PACRG: variants seen among roughly 807,000 people sequenced by gnomAD.
PACRG encodes parkin coregulated.
Under a neutral mutation model 29.7 loss-of-function variants are expected in PACRG, and 29 were observed. That is an observed-to-expected ratio of 0.98 (90% confidence interval 0.73 to 1.33). The LOEUF (loss-of-function observed/expected upper bound fraction) is 1.33. Among genes scored for constraint, PACRG ranks in the 40% most tolerant of loss-of-function variants. The pLI, the probability that PACRG is intolerant of heterozygous loss-of-function variation, is 0.00. For synonymous variants in PACRG, 116 were observed against 118.7 expected (o/e 0.98, Z 0.15); for missense variants, 279 against 316.2 (o/e 0.88, Z 0.89).
intron 1 of PACRG, among the ~76,000 whole-genome samples, chr6:162,791,015 A>G (rs913168819): frequency 2.0e-5 from 3 of 152,206 alleles, no homozygotes; most frequent in Non-Finnish European, 4.4e-5. Context: ...ATTTTTTATT[A>G]TTGTAAATGA....
intron 4 of PACRG, among the ~76,000 whole-genome samples, chr6:163,200,811 G>A (rs73784528): frequency 0.014 from 2,141 of 152,318 alleles, 46 homozygotes; most frequent in African/African-American, 0.049. Flanking sequence ...AGTTTCCCAG[G>A]ACACAGAACA....
intron 2 of PACRG, among the ~76,000 whole-genome samples, chr6:162,865,068 G>A (rs893775099): frequency 2.6e-5 from 4 of 152,100 alleles, no homozygotes; most frequent in African/African-American, 7.2e-5. Context: ...AATGTTAACC[G>A]AACATTTGTG....
chr6:163,181,037 A>C (rs1159217877), intron 4 of PACRG, among the ~76,000 whole-genome samples: 1 of 152,168 alleles, frequency 6.6e-6, no homozygotes, highest in South Asian at 2.1e-4. Flanking sequence ...GAGTGTCTCT[A>C]ACTCTTCAGG....
At chr6:163,208,266 A>ATTTTC (rs5881513) in intron 4 of PACRG, among the ~76,000 whole-genome samples, 64,398 of 151,188 alleles carry the variant, frequency 0.43, 15,009 homozygotes, top group African/African-American at 0.63. Context: ...TATATTGGAG[A>ATTTTC]TTTTCTTTTC....
At chr6:162,731,843 A>G (rs946187013) in intron 1 of PACRG, among the ~76,000 whole-genome samples, 2 of 152,168 alleles carry the variant, frequency 1.3e-5, no homozygotes, top group African/African-American at 2.4e-5. Context: ...CCAAATAACA[A>G]TAGCTTAATT....
intron 2 of PACRG, among the ~76,000 whole-genome samples, chr6:162,877,257 A>T (rs1438213523): frequency 6.6e-6 from 1 of 152,148 alleles, no homozygotes; most frequent in African/African-American, 2.4e-5. Flanking sequence ...ATGCAGCCAT[A>T]AAAAAGAATG....
At chr6:162,861,923 G>A (rs76043219) in intron 2 of PACRG, among the ~76,000 whole-genome samples, 2,820 of 152,148 alleles carry the variant, frequency 0.019, 75 homozygotes, top group African/African-American at 0.063. Context: ...TATCTGCTAC[G>A]GTCTGGGTAT....
At chr6:162,940,268 A>C (rs757330429) in intron 2 of PACRG, among the ~76,000 whole-genome samples, 22 of 152,052 alleles carry the variant, frequency 1.4e-4, no homozygotes, top group Non-Finnish European at 2.6e-4. Context: ...ACTGCCCTAC[A>C]CTCTGTTCTA....
intron 4 of PACRG, among the ~76,000 whole-genome samples, chr6:163,235,157 C>T (rs562784243): frequency 2.8e-4 from 43 of 152,208 alleles, no homozygotes; most frequent in Non-Finnish European, 4.6e-4. Context: ...CATCGTAAGC[C>T]GGCTGAATGG....
intron 2 of PACRG, among the ~76,000 whole-genome samples, chr6:163,034,800 G>A (rs1052689186): frequency 3.3e-5 from 5 of 152,198 alleles, no homozygotes; most frequent in African/African-American, 1.2e-4. Flanking sequence ...CAGACCCCAA[G>A]AGAGGGTTCT....
intron 2 of PACRG, among the ~76,000 whole-genome samples, chr6:163,054,443 A>G (rs532188202): frequency 9.2e-5 from 14 of 152,252 alleles, no homozygotes; most frequent in Non-Finnish European, 2.1e-4. Flanking sequence ...CTGTGGGAAA[A>G]TACATGTGTG....
rs149058946 is a variant in PACRG, at chr6:163,130,969, C to T, written c.613+41561C>T. On this transcript the variant is annotated intron_variant, in intron 4 of 4. Transcript: ENST00000366888. ...AGTTAAGATAAGGTCCTACTGGAGT[C>T]GAGTGTGTCCTAATTCCAATACAAC... Among the ~76,000 whole-genome samples the T allele has an allele frequency of 2.2e-3, 340 of 152,252 alleles. 1 individual carries two copies. Among genetic ancestry groups the T allele is most frequent in the Middle Eastern group, 0.014 (4 of 294 alleles).
intron 3 of PACRG, among the ~76,000 whole-genome samples, chr6:163,084,675 G>T (rs1347944789): frequency 1.3e-5 from 2 of 151,944 alleles, no homozygotes; most frequent in South Asian, 2.1e-4. Context: ...GTTAATTCAG[G>T]CAAGGTTTCC....
At chr6:162,729,711 A>T (rs1779601660) in intron 1 of PACRG, among the ~76,000 whole-genome samples, 1 of 149,442 alleles carries the variant, frequency 6.7e-6, no homozygotes, top group South Asian at 2.1e-4. Flanking sequence ...TTATACTTTA[A>T]TTTTTTTTTT....
In PACRG at chr6:163,151,640, C is replaced by G. The variant is rs141190864; in HGVS notation, c.613+62232C>G. Among the ~76,000 whole-genome samples the G allele has an allele frequency of 1.2e-4, 18 of 152,316 alleles. No homozygotes were observed. In the East Asian group the frequency reaches 3.5e-3, roughly 29 times the overall value. On this transcript the variant is annotated intron_variant, in intron 4 of 4. Transcript: ENST00000366888. ...GCTTATTCCAGATAGAATTATCTCA[C>G]TTTTCTTTAAATCAGCATCAGTAAG...
chr6:163,256,979 C>T (rs545501835), intron 4 of PACRG, among the ~76,000 whole-genome samples: 150 of 152,028 alleles, frequency 9.9e-4, no homozygotes, highest in Admixed American at 1.7e-3. Flanking sequence ...TTCCTTGGCT[C>T]GTAGACACAT....
intron 4 of PACRG, among the ~76,000 whole-genome samples, chr6:163,093,329 G>C (rs1814287023): frequency 1.3e-5 from 2 of 152,184 alleles, no homozygotes; most frequent in Admixed American, 1.3e-4. Context: ...TGCTTTGAGG[G>C]GAAAGAAAGG....
chr6:162,774,094 C>T (rs1326266943), intron 1 of PACRG, among the ~76,000 whole-genome samples: 1 of 152,116 alleles, frequency 6.6e-6, no homozygotes, highest in Admixed American at 6.5e-5. Context: ...ATTACATGCA[C>T]GTGGTAGATA....
At chr6:162,799,906 A>G (rs1785714234) in intron 1 of PACRG, among the ~76,000 whole-genome samples, 1 of 152,246 alleles carries the variant, frequency 6.6e-6, no homozygotes, top group African/African-American at 2.4e-5. Context: ...TAAACTGTTT[A>G]CCACCTTTCA....
Sources: gnomAD v4.1 joint callset for allele counts (sites outside exome capture counted in the v4.1 genomes callset) on GRCh38, gnomAD v4.1.1 for gene constraint, MANE v1.5 for transcripts, NCBI Gene and HGNC (gene_info 2026-07-23, HGNC 2026-07-21) for gene names.